The following NFIA variants were observed in gnomAD, a reference collection of about 807,000 sequenced individuals.
NFIA encodes the protein nuclear factor 1 A-type.
Under a neutral mutation model 62.8 loss-of-function variants are expected in NFIA, and 8 were observed. The ratio of observed to expected loss-of-function variants is 0.13; its 90% confidence interval spans 0.07 to 0.23. NFIA has a LOEUF of 0.23. NFIA is among the 10% of genes least tolerant of loss of function. The probability of loss-of-function intolerance (pLI) is 1.00; values close to 1 mark genes in which losing one functional copy is unlikely to be tolerated. For missense variants in NFIA, 410 were observed against 642.1 expected (o/e 0.64, Z 3.91); for synonymous variants, 235 against 238.1 (o/e 0.99, Z 0.12).
At chr1:61,309,193 A>G (rs1232456022) in intron 3 of NFIA, among the ~76,000 whole-genome samples, 1 of 152,158 alleles carries the variant, frequency 6.6e-6, no homozygotes, top group Non-Finnish European at 1.5e-5. Context: ...TATGGAGCCC[A>G]GTGCCAAACA....
At chr1:61,210,049 G>T (rs957813719) in intron 2 of NFIA, among the ~76,000 whole-genome samples, 4 of 152,156 alleles carry the variant, frequency 2.6e-5, no homozygotes. Flanking sequence ...TATCCTAAAA[G>T]ATCTTCTCAT....
chr1:61,209,549 G>GC (rs1653110018), intron 2 of NFIA, among the ~76,000 whole-genome samples: 1 of 151,954 alleles, frequency 6.6e-6, no homozygotes, highest in Non-Finnish European at 1.5e-5. Flanking sequence ...AGGCACAGTG[G>GC]CTCATACCTG....
upstream of NFIA, chr1:61,082,444 G>GCGCGGGCAGCT (rs888638798): frequency 1.1e-5 from 11 of 1,034,200 alleles, no homozygotes; most frequent in Non-Finnish European, 3.5e-6. Flanking sequence ...GGAGGCGGGC[G>GCGCGGGCAGCT]CGCGGGCAGC....
intron 2 of NFIA, among the ~76,000 whole-genome samples, chr1:61,184,505 C>T (rs1651015204): frequency 6.6e-6 from 1 of 152,246 alleles, no homozygotes; most frequent in Non-Finnish European, 1.5e-5. Flanking sequence ...AGCACTTGAG[C>T]TTTGTGCATT....
chr1:61,437,882 C>T (rs17122212), intron 10 of NFIA, among the ~76,000 whole-genome samples: 27,519 of 151,982 alleles, frequency 0.18, 2,930 homozygotes, highest in East Asian at 0.38. Flanking sequence ...TTACAGTAGA[C>T]GGCAGAAACA....
chr1:61,198,670 G>GCT (rs1253090974), intron 2 of NFIA, among the ~76,000 whole-genome samples: 1 of 152,298 alleles, frequency 6.6e-6, no homozygotes, highest in East Asian at 1.9e-4. Flanking sequence ...GGAAGGCAGT[G>GCT]CTGAATAGTG....
chr1:61,423,355 A>C (rs1344313708), intron 9 of NFIA, among the ~76,000 whole-genome samples: 1 of 152,146 alleles, frequency 6.6e-6, no homozygotes, highest in Admixed American at 6.5e-5. Context: ...TAGGTAGCCA[A>C]GTTGGTTTCC....
chr1:61,126,819 C>A, intron 2 of NFIA, among the ~76,000 whole-genome samples: 1 of 122,934 alleles, frequency 8.1e-6, no homozygotes, highest in East Asian at 2.4e-4. Flanking sequence ...AAGTCTTGCT[C>A]TCTTGCCCAG....
At chr1:61,260,683 C>T (rs1396413977) in intron 2 of NFIA, among the ~76,000 whole-genome samples, 1 of 152,200 alleles carries the variant, frequency 6.6e-6, no homozygotes, top group Non-Finnish European at 1.5e-5. Flanking sequence ...CGGGTTCATG[C>T]CATTCTCCTG....
intron 6 of NFIA, among the ~76,000 whole-genome samples, chr1:61,362,855 A>G (rs1471338787): frequency 3.9e-5 from 6 of 152,230 alleles, no homozygotes; most frequent in African/African-American, 1.2e-4. Flanking sequence ...AACGAGTCCT[A>G]TGAAATTCTA....
At chr1:61,355,367 C>A (rs1662882343) in intron 5 of NFIA, among the ~76,000 whole-genome samples, 1 of 152,156 alleles carries the variant, frequency 6.6e-6, no homozygotes, top group African/African-American at 2.4e-5. Context: ...ACTGTAAGTT[C>A]TGTACCCCTT....
intron 6 of NFIA, among the ~76,000 whole-genome samples, chr1:61,368,828 C>T (rs1373136916): frequency 3.9e-5 from 6 of 152,152 alleles, no homozygotes; most frequent in African/African-American, 1.4e-4. Flanking sequence ...ACATATATTA[C>T]ACCTCTGCAT....
intron 3 of NFIA, among the ~76,000 whole-genome samples, chr1:61,323,410 T>C (rs1191320242): frequency 6.6e-6 from 1 of 152,224 alleles, no homozygotes; most frequent in Non-Finnish European, 1.5e-5. Flanking sequence ...ATAAGCACAC[T>C]ACCAAGTGAA....
intron 2 of NFIA, among the ~76,000 whole-genome samples, chr1:61,119,412 C>T (rs1171779000): frequency 6.6e-6 from 1 of 152,082 alleles, no homozygotes; most frequent in Non-Finnish European, 1.5e-5. Context: ...TAAACTTGAA[C>T]GTAAAATTGT....
chr1:61,400,022 C>A (rs1451926611), intron 7 of NFIA, among the ~76,000 whole-genome samples: 1 of 152,250 alleles, frequency 6.6e-6, no homozygotes, highest in African/African-American at 2.4e-5. Context: ...TTAACTTTTT[C>A]TCCTTTAAAC....
chr1:61,138,561 GTTTGTTTATTTA>G (rs1647266445), intron 2 of NFIA, among the ~76,000 whole-genome samples: 1 of 132,168 alleles, frequency 7.6e-6, no homozygotes, highest in Admixed American at 7.2e-5. Flanking sequence ...TTATTTGTTT[GTTTGTTTATTTA>G]TTTATTTATT....
intron 5 of NFIA, among the ~76,000 whole-genome samples, chr1:61,357,339 A>G (rs1025468220): frequency 1.3e-5 from 2 of 152,236 alleles, no homozygotes; most frequent in Admixed American, 6.5e-5. Flanking sequence ...TCTGCAAGAC[A>G]TTAACCCTTT....
At chr1:61,324,393 A>T (rs1369286115) in intron 3 of NFIA, among the ~76,000 whole-genome samples, 6 of 152,238 alleles carry the variant, frequency 3.9e-5, no homozygotes. Context: ...AAGGAAGACT[A>T]GAATAGAGAT....
chr1:61,298,934 C>A (rs1659342587), intron 3 of NFIA, among the ~76,000 whole-genome samples: 1 of 152,156 alleles, frequency 6.6e-6, no homozygotes, highest in African/African-American at 2.4e-5. Flanking sequence ...TATTTATTTC[C>A]TTCCGAGTAA....
Sources: allele counts gnomAD v4.1 joint callset (sites outside exome capture counted in the v4.1 genomes callset), GRCh38; gene constraint gnomAD v4.1.1; transcripts MANE v1.5; gene names NCBI Gene and HGNC (gene_info 2026-07-23, HGNC 2026-07-21).